Variants in TASP1 observed in about 807,000 individuals in gnomAD.
The protein encoded by TASP1 is threonine aspartase 1.
TASP1 carries 16 observed loss-of-function variants against 56.6 expected under a neutral mutation model. The ratio of observed to expected loss-of-function variants is 0.28; its 90% confidence interval spans 0.19 to 0.43. The LOEUF is 0.43. TASP1 is among the 20% of genes least tolerant of loss of function. The pLI is 1.00. For missense variants in TASP1, 393 were observed against 511.6 expected, an observed-to-expected ratio of 0.77 and a Z score of 2.24; for synonymous variants, 179 against 184.2, an observed-to-expected ratio of 0.97 and a Z score of 0.23.
chr20:13,595,690 T>C (rs963663121), intron 4 of TASP1, among the ~76,000 whole-genome samples: 1 of 152,098 alleles, frequency 6.6e-6, no homozygotes, highest in Non-Finnish European at 1.5e-5. Flanking sequence ...CCTAAATATA[T>C]ATGCACCAAA....
the TASP1 span, among the ~76,000 whole-genome samples, chr20:13,224,106 CTT>C: frequency 6.6e-6 from 1 of 152,080 alleles, no homozygotes; most frequent in African/African-American, 2.4e-5. Flanking sequence ...CTAGAAATAT[CTT>C]GAGTCCCAAG....
At chr20:13,560,155 GA>G (rs1256887508) in intron 7 of TASP1, among the ~76,000 whole-genome samples, 4 of 152,222 alleles carry the variant, frequency 2.6e-5, no homozygotes, top group East Asian at 1.9e-4. Context: ...GCTGATAAGA[GA>G]AATTACAAAC....
the TASP1 span, among the ~76,000 whole-genome samples, chr20:13,327,645 T>A: frequency 2.6e-5 from 4 of 152,112 alleles, no homozygotes; most frequent in East Asian, 5.8e-4. Context: ...AACTCAGAAA[T>A]AAGACCGCAC....
the TASP1 span, among the ~76,000 whole-genome samples, chr20:13,347,796 C>A: frequency 6.6e-6 from 1 of 151,196 alleles, no homozygotes; most frequent in Non-Finnish European, 1.5e-5. Flanking sequence ...AAGCCAAGAT[C>A]TCGCCATTGC....
chr20:13,576,302 G>A (rs1048808901), intron 6 of TASP1, among the ~76,000 whole-genome samples: 3 of 146,518 alleles, frequency 2.0e-5, no homozygotes, highest in Non-Finnish European at 4.5e-5. Context: ...GGGAAGGAGA[G>A]AGAGAGAGAG....
At chr20:13,465,846 T>C in intron 11 of TASP1, among the ~76,000 whole-genome samples, 1 of 132,678 alleles carries the variant, frequency 7.5e-6, no homozygotes, top group African/African-American at 2.7e-5. Flanking sequence ...GGTGGGTGGG[T>C]GAGTGATAGT....
At chr20:13,107,013 T>G in the TASP1 span, among the ~76,000 whole-genome samples, 1 of 152,186 alleles carries the variant, frequency 6.6e-6, no homozygotes, top group Non-Finnish European at 1.5e-5. Flanking sequence ...AGTAATGTAG[T>G]CTGCAGCAAG....
chr20:13,622,104 T>C (rs563670578), intron 4 of TASP1, among the ~76,000 whole-genome samples: 1 of 152,342 alleles, frequency 6.6e-6, no homozygotes, highest in Non-Finnish European at 1.5e-5. Flanking sequence ...ATCTCATACA[T>C]ACCATTTCCA....
chr20:13,405,633 G>A (rs1313833489), intron 13 of TASP1, among the ~76,000 whole-genome samples: 3 of 151,968 alleles, frequency 2.0e-5, no homozygotes, highest in Non-Finnish European at 4.4e-5. Flanking sequence ...TGCAACCTCC[G>A]CCTCCTGGGT....
the TASP1 span, among the ~76,000 whole-genome samples, chr20:13,313,050 A>AT: frequency 6.6e-6 from 1 of 152,048 alleles, no homozygotes; most frequent in Non-Finnish European, 1.5e-5. Flanking sequence ...GCTAAAAGGC[A>AT]TTTTTTCCTG....
the TASP1 span, among the ~76,000 whole-genome samples, chr20:13,189,040 G>GT: frequency 6.6e-6 from 1 of 152,076 alleles, no homozygotes. Flanking sequence ...GTCACTTTAC[G>GT]TTTTTTGTCT....
chr20:13,576,488 A>G (rs2046933094), intron 6 of TASP1, among the ~76,000 whole-genome samples: 1 of 152,122 alleles, frequency 6.6e-6, no homozygotes, highest in African/African-American at 2.4e-5. Context: ...AATCAATCAC[A>G]TTTCTATATA....
chr20:13,112,557 C>T, the TASP1 span, among the ~76,000 whole-genome samples: 5 of 152,206 alleles, frequency 3.3e-5, no homozygotes, highest in Non-Finnish European at 7.3e-5. Flanking sequence ...GGAAGCTTTG[C>T]AGGCAGCCAT....
chr20:13,448,464 TG>T (rs1339172360), intron 11 of TASP1, among the ~76,000 whole-genome samples: 2 of 152,136 alleles, frequency 1.3e-5, no homozygotes, highest in African/African-American at 4.8e-5. Flanking sequence ...AATTTTCATA[TG>T]GTCATAATTT....
At chr20:13,430,421 ATC>A (rs1278849913) in intron 12 of TASP1, among the ~76,000 whole-genome samples, 1 of 152,178 alleles carries the variant, frequency 6.6e-6, no homozygotes, top group African/African-American at 2.4e-5. Context: ...GCTCACTCAG[ATC>A]TCTGAGGCCG....
intron 8 of TASP1, among the ~76,000 whole-genome samples, chr20:13,543,376 A>C (rs1485771633): frequency 6.6e-6 from 1 of 152,196 alleles, no homozygotes; most frequent in Non-Finnish European, 1.5e-5. Context: ...AGGCAGGCAG[A>C]TTACTTGAGG....
At chr20:13,464,554 A>G (rs1281587918) in intron 11 of TASP1, among the ~76,000 whole-genome samples, 1 of 152,198 alleles carries the variant, frequency 6.6e-6, no homozygotes, top group African/African-American at 2.4e-5. Flanking sequence ...TATACATGCA[A>G]TAAGATATTT....
chr20:13,595,926 C>A (rs367993226), intron 4 of TASP1, among the ~76,000 whole-genome samples: 3 of 152,328 alleles, frequency 2.0e-5, no homozygotes, highest in African/African-American at 7.2e-5. Flanking sequence ...AATATACATT[C>A]TTCCCAGCAC....
chr20:13,165,715 T>C, the TASP1 span: 1 of 152,232 alleles, frequency 6.6e-6, no homozygotes, highest in Non-Finnish European at 1.5e-5. Context: ...AAGGAATTAG[T>C]TGTCATTTTC....
Sources: gnomAD v4.1 joint callset for allele counts (sites outside exome capture counted in the v4.1 genomes callset) on GRCh38, gnomAD v4.1.1 for gene constraint, MANE v1.5 for transcripts, NCBI Gene and HGNC (gene_info 2026-07-23, HGNC 2026-07-21) for gene names.